SNX29: variants seen among roughly 807,000 people sequenced by gnomAD.
SNX29 encodes sorting nexin-29.
SNX29 carries 78 observed loss-of-function variants against 102.1 expected under a neutral mutation model. The ratio of observed to expected loss-of-function variants is 0.76; its 90% CI spans 0.64 to 0.92. The LOEUF (loss-of-function observed/expected upper bound fraction) is 0.92. SNX29 is among the 40% of genes least tolerant of loss of function. The pLI, the probability that SNX29 is intolerant of heterozygous loss-of-function variation, is 0.00. For missense variants in SNX29, 1,280 were observed against 1,061.7 expected (o/e 1.21, Z -2.86); for synonymous variants, 580 against 414.5 (o/e 1.40, Z -4.85).
rs142194470 is a variant in SNX29 at position 12,135,850 on chromosome 16, A to G, written c.1595+6092A>G. ...GTATTTTCTCTGCACCTAAGTAGACATGTCATCTCAACAATCAACCTGCCA... is the reference window on the plus strand; with the variant it reads ...GTATTTTCTCTGCACCTAAGTAGACGTGTCATCTCAACAATCAACCTGCCA... On this transcript the variant is annotated intron_variant, in intron 13 of 20. Transcript: ENST00000566228. 1.2e-5 allele frequency: 4 copies of G among 342,728 alleles called. No homozygotes were observed. In the East Asian group the frequency reaches 1.8e-4, roughly 16 times the overall value. The allele number at this position is 342,728 out of a possible 1,614,324, so 21.2% of individuals were successfully genotyped here. A position where few individuals can be genotyped will look rare whatever the true frequency, so the allele number is the denominator to read the frequency against.
At chr16:12,395,355 CAG>C (rs2083682021) in intron 16 of SNX29, among the ~76,000 whole-genome samples, 1 of 152,212 alleles carries the variant, frequency 6.6e-6, no homozygotes, top group South Asian at 2.1e-4. Context: ...AATCCTGAGT[CAG>C]AGGAGATGAT....
intron 18 of SNX29, among the ~76,000 whole-genome samples, chr16:12,452,388 C>T (rs576950389): frequency 7.2e-5 from 11 of 152,340 alleles, no homozygotes; most frequent in African/African-American, 2.4e-4. Flanking sequence ...TTCTCAATAG[C>T]GGGTAGCCGT....
rs570931514 is a variant in SNX29 at position 12,533,308 on chromosome 16, T to A, written c.2318+8467T>A. ...TTCCTGGAAAGTCAGCCCTAGTCAC[T>A]GTTCGTGGGCTGGTACCTGTGGCCC... On this transcript the variant is annotated intron_variant, in intron 20 of 20. Transcript: ENST00000566228. Among the ~76,000 whole-genome samples, 3 of 152,330 alleles carry A rather than the reference T, an allele frequency of 2.0e-5. No individual in the cohort carries two copies. The South Asian group carries it at 6.2e-4, about 32-fold the overall frequency.
intron 3 of SNX29, among the ~76,000 whole-genome samples, chr16:12,006,520 A>G (rs1482111133): frequency 6.6e-6 from 1 of 151,452 alleles, no homozygotes; most frequent in African/African-American, 2.4e-5. Flanking sequence ...GTCTCAGAAA[A>G]AAAAAAAAAA....
chr16:12,364,377 A>G (rs1207677812), intron 16 of SNX29, among the ~76,000 whole-genome samples: 2 of 150,620 alleles, frequency 1.3e-5, no homozygotes, highest in African/African-American at 4.9e-5. Context: ...TTTAAGGAAC[A>G]GGAGTTTGGG....
intron 18 of SNX29, among the ~76,000 whole-genome samples, chr16:12,424,475 G>T (rs930783959): frequency 2.6e-5 from 4 of 152,120 alleles, no homozygotes; most frequent in African/African-American, 9.7e-5. Context: ...TTCCTTGGGC[G>T]ACTAGAACCA....
rs947650763 is a variant in SNX29 at position 12,485,002 on chromosome 16, G to GAACA, written c.2178+7152_2178+7155dup. Among the ~76,000 whole-genome samples, 10 of 152,316 alleles carry GAACA rather than the reference G, an allele frequency of 6.6e-5. No individual in the cohort carries two copies. In the East Asian group the frequency reaches 1.9e-3, roughly 29 times the overall value. On this transcript the variant is annotated intron_variant, in intron 19 of 20. Transcript: ENST00000566228. Reference sequence around the variant, plus strand: ...CAAGATACTCACGGTCTAAATTAATGAACAAACAAACAGAAATTCAGTGGA... The same window carrying GAACA: ...CAAGATACTCACGGTCTAAATTAATGAACAAACAAACAAACAGAAATTCAGTGGA...
intron 14 of SNX29, among the ~76,000 whole-genome samples, chr16:12,272,738 G>A (rs901759674): frequency 2.6e-5 from 4 of 152,208 alleles, no homozygotes; most frequent in African/African-American, 9.6e-5. Context: ...GGCTGTCACT[G>A]TCTCCCACTT....
chr16:12,560,851 G>A (rs762729699), intron 20 of SNX29: 2 of 183,610 alleles, frequency 1.1e-5, no homozygotes, highest in Non-Finnish European at 2.3e-5. Context: ...AGGATGTTAT[G>A]AGAATTGGTG....
chr16:12,500,563 G>T lies in SNX29; in HGVS notation c.2178+22704G>T, dbSNP rs541008403. Among the ~76,000 whole-genome samples, 4 of 152,360 alleles carry T rather than the reference G, an allele frequency of 2.6e-5. No homozygotes were observed. The South Asian group carries it at 6.2e-4, about 24-fold the overall frequency. Reference sequence around the variant, plus strand: ...TCATGCATTGGTGCCAGGCTTTCCAGCCAAAATGTGGCTTGAGATGAACAG... The same window carrying T: ...TCATGCATTGGTGCCAGGCTTTCCATCCAAAATGTGGCTTGAGATGAACAG... On this transcript the variant is annotated intron_variant, in intron 19 of 20. Coordinates refer to ENST00000566228, the MANE Select transcript of SNX29 (RefSeq NM_032167.5).
intron 20 of SNX29, among the ~76,000 whole-genome samples, chr16:12,563,150 C>G (rs1598081566): frequency 6.6e-6 from 1 of 151,794 alleles, no homozygotes; most frequent in Non-Finnish European, 1.5e-5. Flanking sequence ...CATCCCAGCT[C>G]CAGGGGGGGC....
chr16:12,055,198 C>G (rs1596714295), intron 8 of SNX29, among the ~76,000 whole-genome samples: 1 of 151,444 alleles, frequency 6.6e-6, no homozygotes, highest in Non-Finnish European at 1.5e-5. Flanking sequence ...ACCTCTAACT[C>G]CATTTCTATC....
intron 19 of SNX29, among the ~76,000 whole-genome samples, chr16:12,509,810 G>A (rs1282771750): frequency 2.0e-5 from 3 of 152,204 alleles, no homozygotes; most frequent in Non-Finnish European, 4.4e-5. Flanking sequence ...CCACATGAGT[G>A]AATGCCGTTC....
At chr16:12,139,293 A>G (rs1020091372) in intron 13 of SNX29, among the ~76,000 whole-genome samples, 2 of 149,802 alleles carry the variant, frequency 1.3e-5, no homozygotes, top group East Asian at 2.0e-4. Flanking sequence ...GATACGCTTC[A>G]TGGGAGTAGG....
chr16:12,130,292 C>T lies in SNX29; in HGVS notation c.1595+534C>T, dbSNP rs548275410. On this transcript the variant is annotated intron_variant, in intron 13 of 20. Coordinates refer to ENST00000566228, the MANE Select transcript of SNX29 (RefSeq NM_032167.5). ...GAGATCGAGACCATCCTGGCTAACA[C>T]GGTGAAACCCCGTCTCTACTAAAAA... Among the ~76,000 whole-genome samples the T allele has an allele frequency of 5.5e-3, 825 of 150,734 alleles. 4 individuals carry two copies. Among genetic ancestry groups the T allele is most frequent in the Admixed American group, 8.6e-3 (130 of 15,136 alleles).
chr16:12,132,605 G>C (rs1405461831), intron 13 of SNX29, among the ~76,000 whole-genome samples: 1 of 152,254 alleles, frequency 6.6e-6, no homozygotes, highest in Non-Finnish European at 1.5e-5. Context: ...CAGTGGACAT[G>C]AGTGAGGCGT....
chr16:12,494,397 G>A (rs1195830497), intron 19 of SNX29, among the ~76,000 whole-genome samples: 2 of 152,172 alleles, frequency 1.3e-5, no homozygotes, highest in Admixed American at 6.5e-5. Flanking sequence ...ATCAGACTCC[G>A]CGCACTGAGA....
At chr16:12,550,049 C>G (rs920878577) in intron 20 of SNX29, among the ~76,000 whole-genome samples, 2 of 152,196 alleles carry the variant, frequency 1.3e-5, no homozygotes, top group African/African-American at 4.8e-5. Context: ...TCCCTGGAGC[C>G]TAGTATGTTT....
intron 16 of SNX29, among the ~76,000 whole-genome samples, chr16:12,366,288 T>C (rs1482011397): frequency 6.6e-6 from 1 of 152,094 alleles, no homozygotes; most frequent in Non-Finnish European, 1.5e-5. Flanking sequence ...CAAAATTATT[T>C]CCCCAAGGAA....
Sources: allele counts gnomAD v4.1 joint callset (sites outside exome capture counted in the v4.1 genomes callset), GRCh38; gene constraint gnomAD v4.1.1; transcripts MANE v1.5; gene names NCBI Gene and HGNC (gene_info 2026-07-23, HGNC 2026-07-21).